Variants in PPP1R10 observed in about 807,000 individuals in gnomAD.
The protein encoded by PPP1R10 is protein phosphatase 1 regulatory subunit 10.
In PPP1R10, 15 loss-of-function variants were observed where a neutral mutation model predicts 99.0. The ratio of observed to expected loss-of-function variants is 0.15; its 90% CI spans 0.10 to 0.23. The LOEUF is 0.23. PPP1R10 is among the 10% of genes least tolerant of loss of function. The probability of loss-of-function intolerance (pLI) is 1.00; values close to 1 mark genes in which losing one functional copy is unlikely to be tolerated. For missense variants in PPP1R10, 947 were observed against 1,259.4 expected (o/e 0.75, Z 3.75); for synonymous variants, 430 against 449.5 (o/e 0.96, Z 0.55).
Position 30,604,063 on chromosome 6 carries a change from T to C in PPP1R10, c.1453A>G (p.Ile485Val). The change falls in exon 14 of 20, where the codon ATC becomes GTC. Residue 485 changes from isoleucine to valine, a missense_variant. Ile to Val is a conservative substitution (Grantham distance 29, BLOSUM62 3). Around this residue, in one of 10 missense-constraint regions of PPP1R10, gnomAD observed 50 missense variants for 78.6 expected, o/e 0.64. Transcript: ENST00000376511. This position sits in a 1 kb window ranked among gnomAD's most constrained non-coding sequence, Gnocchi z 7.3. ...ATTCCCTTCTCCCGCTCAGCCTGGA[T>C]ATATCGCTCCTGACTATTGCTTCCA... ...TPGSNSQERY[I>V]QAEREKGILQ... 2 of 1,613,900 alleles carry C rather than the reference T, an allele frequency of 1.2e-6. No individual in the cohort carries two copies. Among genetic ancestry groups the C allele is most frequent in the African/African-American group, 1.3e-5 (1 of 74,976 alleles).
Position 30,601,275 on chromosome 6 carries a change from G to C in PPP1R10, c.*274C>G, listed in dbSNP as rs112981881. 24 of 501,674 alleles carry C rather than the reference G, an allele frequency of 4.8e-5. No individual in the cohort carries two copies. The highest frequency in any genetic ancestry group is 1.9e-4 in the African/African-American group (10 of 52,486). The allele number at this position is 501,674 out of a possible 1,614,324, so 31.1% of individuals were successfully genotyped here. A position where few individuals can be genotyped will look rare whatever the true frequency, so the allele number is the denominator to read the frequency against. Reference sequence around the variant, plus strand: ...TGGAAAGGGGTTTGGGGTACAGGGCGAATCTTCTCAAAAAGTGAAGCCAAC... The same window carrying C: ...TGGAAAGGGGTTTGGGGTACAGGGCCAATCTTCTCAAAAAGTGAAGCCAAC... On this transcript the variant is annotated 3_prime_UTR_variant, in exon 20 of 20. Coordinates refer to ENST00000376511, the MANE Select transcript of PPP1R10 (RefSeq NM_002714.4).
Position 30,602,272 on chromosome 6 carries a change from C to A in PPP1R10, c.2377G>T (p.Gly793Trp). ...PHEGPGGSMG[G>W]GGGHRPHEGP... ...TCGTGGGGACGATGTCCTCCACCCC[C>A]ACCCATGCTACCACCAGGGCCTTCA... The change falls in exon 19 of 20, where the codon GGG (glycine) becomes TGG (tryptophan). Residue 793 changes from glycine (G) to tryptophan (W), a missense_variant. Transcript: ENST00000376511. The surrounding 1 kb of genome is among the most constrained non-coding windows in gnomAD (Gnocchi z 6.7). 1 of 1,612,278 alleles carries A rather than the reference C, an allele frequency of 6.2e-7. No individual in the cohort carries two copies. Among genetic ancestry groups the A allele is most frequent in the Non-Finnish European group, 8.5e-7 (1 of 1,179,590 alleles).
At chr6:30,601,895 G>A in intron 19 of PPP1R10, 41 bp downstream of exon 19, 1 of 1,468,844 alleles carries the variant, frequency 6.8e-7, no homozygotes, top group Non-Finnish European at 9.0e-7. Flanking sequence ...AGCTTGTATG[G>A]GACAACCAAA....
chr6:30,611,582 T>C (rs939531513), intron 2 of PPP1R10, among the ~76,000 whole-genome samples: 33 of 152,282 alleles, frequency 2.2e-4, no homozygotes, highest in African/African-American at 5.8e-4. Context: ...AGAAAAAACA[T>C]AGCATAACAA....
At chr6:30,601,791 G>T in intron 19 of PPP1R10, 133 bp from the exon 20 acceptor site, 1 of 1,284,474 alleles carries the variant, frequency 7.8e-7, no homozygotes, top group Non-Finnish European at 1.1e-6. Context: ...AGGGCATAGA[G>T]TAGGAACTGC....
Position 30,602,703 on chromosome 6 carries a change from C to CA in PPP1R10, c.1958-13dup, listed in dbSNP as rs754581983. 3 of 1,604,336 alleles carry CA rather than the reference C, an allele frequency of 1.9e-6. No homozygotes were observed. The South Asian group carries it at 3.3e-5, about 18-fold the overall frequency. On this transcript the variant is annotated splice_polypyrimidine_tract_variant and intron_variant, in intron 18 of 19. Transcript: ENST00000376511. The surrounding 1 kb of genome is among the most constrained non-coding windows in gnomAD (Gnocchi z 6.7). The stretch of plus-strand genomic sequence containing the variant: ...GCCTCCATGGGGACCTGTAAGGGGA[C>CA]AAAAAAGAGAGACAGTATCAGCTAC...
At chr6:30,613,119 G>A (rs938752563) in intron 2 of PPP1R10, among the ~76,000 whole-genome samples, 2 of 152,142 alleles carry the variant, frequency 1.3e-5, no homozygotes, top group South Asian at 4.1e-4. Context: ...CAAGGCATTG[G>A]GGAATTTTCT....
Position 30,604,497 on chromosome 6 carries a change from C to G in PPP1R10, c.1117G>C (p.Gly373Arg), listed in dbSNP as rs771905310. 1 of 1,613,050 alleles carries G rather than the reference C, an allele frequency of 6.2e-7. No homozygotes were observed. The change falls in exon 13 of 20, where the codon GGA becomes CGA. Residue 373 changes from glycine (G) to arginine (R), a missense_variant. Around this residue, in one of 10 missense-constraint regions of PPP1R10, gnomAD observed 100 missense variants for 105.8 expected, o/e 0.94. Transcript: ENST00000376511. The surrounding 1 kb of genome is among the most constrained non-coding windows in gnomAD (Gnocchi z 7.3). ...ELMDTASLEPGALDAKPVESP... is the reference protein window; with the variant it reads ...ELMDTASLEPRALDAKPVESP... ...TCCACTGGCTTGGCATCCAGAGCTC[C>G]TGGCTCCAAAGAGGCTGGAAGCAGA...
intron 2 of PPP1R10, among the ~76,000 whole-genome samples, chr6:30,615,678 CTATT>C (rs1467003509): frequency 1.3e-5 from 2 of 152,326 alleles, no homozygotes; most frequent in South Asian, 2.1e-4. Context: ...TTTCCACCCT[CTATT>C]TAACTGTACC....
At chr6:30,601,878 C>A (rs1803351877) in intron 19 of PPP1R10, 58 bp downstream of exon 19, 8 of 1,452,604 alleles carry the variant, frequency 5.5e-6, no homozygotes, top group Admixed American at 2.8e-5. Context: ...CTCACCCACT[C>A]CCCAAAAGCT....
chr6:30,613,166 C>T (rs1804732384), intron 2 of PPP1R10, among the ~76,000 whole-genome samples: 1 of 152,198 alleles, frequency 6.6e-6, no homozygotes, highest in Non-Finnish European at 1.5e-5. Context: ...GTGACACCAA[C>T]TCCTGCCTTC....
rs1452742533 is a variant in PPP1R10, at chr6:30,601,562, G to C, written c.2810C>G (p.Pro937Arg). ...CAFYHPGVNG[P>R]PLP Reference sequence around the variant, plus strand: ...GGCAAATGGTCCCTAGGGCAGGGGGGGCCCATTGACACCCGGGTGGTAGAA... The same window carrying C: ...GGCAAATGGTCCCTAGGGCAGGGGGCGCCCATTGACACCCGGGTGGTAGAA... The change falls in exon 20 of 20, where the codon CCC (proline) becomes CGC (arginine). Residue 937 changes from proline to arginine, a missense_variant. Pro to Arg is a moderately radical substitution (Grantham distance 103, BLOSUM62 -2). Around this residue, in one of 10 missense-constraint regions of PPP1R10, gnomAD observed 17 missense variants for 46.4 expected, o/e 0.37. Coordinates refer to ENST00000376511, the MANE Select transcript of PPP1R10 (RefSeq NM_002714.4). 1.2e-6 allele frequency: 2 copies of C among 1,614,006 alleles called. No homozygotes were observed. The highest frequency in any genetic ancestry group is 1.7e-5 in the Admixed American group (1 of 60,012).
At position 30,602,348 on chromosome 6, in the gene PPP1R10, A is replaced by G; in HGVS notation, c.2301T>C (p.His767=). The part of the protein sequence containing the change: ...PGGGMGNSSG[H]RPHEGPGGGM... ...CACCGCCAGGGCCTTCGTGGGGACG[A>G]TGTCCACTGCTGTTGCCCATGCCCC... is the stretch of plus-strand genomic sequence containing the variant. Residue 767 remains histidine (H), a synonymous_variant, in exon 19 of 20, where the codon CAT becomes CAC. Transcript: ENST00000376511. This position sits in a 1 kb window ranked among gnomAD's most constrained non-coding sequence, Gnocchi z 6.7. 4.3e-6 allele frequency: 7 copies of G among 1,612,100 alleles called. No homozygotes were observed. Among genetic ancestry groups the G allele is most frequent in the Non-Finnish European group, 5.9e-6 (7 of 1,179,772 alleles).
At chr6:30,603,160 C>G in intron 17 of PPP1R10, 50 bp downstream of exon 17, 1 of 1,554,794 alleles carries the variant, frequency 6.4e-7, no homozygotes, top group Non-Finnish European at 8.9e-7. Context: ...TCCCCCAACT[C>G]CACTGCAGGC....
In PPP1R10 at chr6:30,606,962, A is replaced by C. The variant is rs904573603; in HGVS notation, c.383-106T>G. 4.4e-5 allele frequency: 46 copies of C among 1,037,078 alleles called. No homozygotes were observed. The highest frequency in any genetic ancestry group is 5.9e-5 in the Non-Finnish European group (41 of 693,108). The allele number at this position is 1,037,078 out of a possible 1,614,324, so 64.2% of individuals were successfully genotyped here. On this transcript the variant is annotated intron_variant, in intron 6 of 19. Coordinates refer to ENST00000376511, the MANE Select transcript of PPP1R10 (RefSeq NM_002714.4). The surrounding 1 kb of genome is among the most constrained non-coding windows in gnomAD (Gnocchi z 6.3). ...AATATTGTGAAAATTTATGTAACGG[A>C]GAAAGTAACCCAAAGTTTTAAGAAG...
intron 19 of PPP1R10, 116 bp downstream of exon 19, chr6:30,601,820 A>G: frequency 1.5e-6 from 2 of 1,371,680 alleles, no homozygotes; most frequent in Middle Eastern, 1.9e-4. Flanking sequence ...CTAGGACATC[A>G]AAGAGACGGG....
At position 30,608,636 on chromosome 6, in the gene PPP1R10, AGTCTTC is replaced by A. The variant is rs1166615795; in HGVS notation, c.330+137_330+142del. ...TATTAAAGGAGATAAATTCAAACCA[AGTCTTC>A]TTCTTCTAAATTCCTATTTTTTTTC... On this transcript the variant is annotated intron_variant, in intron 5 of 19. Coordinates refer to ENST00000376511, the MANE Select transcript of PPP1R10 (RefSeq NM_002714.4). 9.9e-6 allele frequency: 11 copies of A among 1,113,402 alleles called. No individual in the cohort carries two copies. In the African/African-American group the frequency reaches 1.6e-4, roughly 16 times the overall value. The allele number at this position is 1,113,402 out of a possible 1,614,324, so 69.0% of individuals were successfully genotyped here.
chr6:30,608,301 C>CTT (rs1190279084), intron 5 of PPP1R10, among the ~76,000 whole-genome samples: 28 of 111,730 alleles, frequency 2.5e-4, no homozygotes, highest in East Asian at 2.3e-3. Flanking sequence ...TGACACATTC[C>CTT]TTTTTTTTTT....
At position 30,613,541 on chromosome 6, in the gene PPP1R10, C is replaced by T. The variant is rs181381232; in HGVS notation, c.-12+2937G>A. Among the ~76,000 whole-genome samples the T allele has an allele frequency of 2.3e-3, 350 of 152,162 alleles. 3 individuals are homozygous for T. The highest frequency in any genetic ancestry group is 7.4e-3 in the African/African-American group (308 of 41,442). ...TTTCTTCCAAGTAGTAAGCCCCTACCCCTCAGTCATTTTGCAAACCTGATA... is the reference window on the plus strand; with the variant it reads ...TTTCTTCCAAGTAGTAAGCCCCTACTCCTCAGTCATTTTGCAAACCTGATA... On this transcript the variant is annotated intron_variant, in intron 2 of 19. Transcript: ENST00000376511.
Sources: allele counts gnomAD v4.1 joint callset (sites outside exome capture counted in the v4.1 genomes callset), GRCh38; gene constraint gnomAD v4.1.1; regional missense constraint gnomAD v4.1.1; non-coding constraint Gnocchi (gnomAD v3.1); transcripts MANE v1.5; gene names NCBI Gene and HGNC (gene_info 2026-07-23, HGNC 2026-07-21).